Variants in CORIN observed in about 807,000 individuals in gnomAD.
CORIN encodes corin, serine peptidase, also known as atrial natriuretic peptide-converting enzyme.
In CORIN, 117 loss-of-function variants were observed where a neutral mutation model predicts 125.3. The observed-to-expected ratio is 0.93, with a 90% CI of 0.80 to 1.09. The LOEUF (loss-of-function observed/expected upper bound fraction) is 1.09. Ranked by LOEUF, CORIN falls within the 50% of genes least tolerant of loss-of-function variation. The pLI is 0.00. For synonymous variants in CORIN, 450 were observed against 466.4 expected (o/e 0.96, Z 0.45); for missense variants, 1,253 against 1,306.7 (o/e 0.96, Z 0.63).
At chr4:47,619,331 A>G (rs1433204280) in intron 19 of CORIN, among the ~76,000 whole-genome samples, 2 of 152,192 alleles carry the variant, frequency 1.3e-5, no homozygotes, top group African/African-American at 4.8e-5. Context: ...GATACCCACC[A>G]ATGGGTCACT....
chr4:47,642,904 C>T, intron 15 of CORIN: 1 of 1,497,210 alleles, frequency 6.7e-7, no homozygotes, highest in Non-Finnish European at 8.8e-7. Context: ...ATGATTACAA[C>T]ATTTTGAACC....
At chr4:47,647,557 C>T (rs1485688694) in intron 13 of CORIN, among the ~76,000 whole-genome samples, 1 of 151,980 alleles carries the variant, frequency 6.6e-6, no homozygotes, top group East Asian at 1.9e-4. Flanking sequence ...ATGTATTATC[C>T]ACTATGTATC....
At position 47,623,092 on chromosome 4, in the gene CORIN, C is replaced by CTA. The variant is rs34165105; in HGVS notation, c.2540+478_2540+479insTA. Among the ~76,000 whole-genome samples, 131 of 111,136 alleles carry CTA rather than the reference C, an allele frequency of 1.2e-3. 1 individual carries two copies. Among genetic ancestry groups the CTA allele is most frequent in the South Asian group, 5.3e-3 (17 of 3,194 alleles). 72.9% of individuals were successfully genotyped at this position (111,136 alleles called of 152,430 possible). ...AACCTCTCTCTCTCTCTCTCTCTCT[C>CTA]TCTCTATATATATATATATATATAT... On this transcript the variant is annotated intron_variant, in intron 19 of 21. Transcript: ENST00000273857.
At chr4:47,755,677 A>G (rs114117752) in intron 4 of CORIN, among the ~76,000 whole-genome samples, 156 of 152,302 alleles carry the variant, frequency 1.0e-3, no homozygotes, top group African/African-American at 3.5e-3. Context: ...TATTCTGCCA[A>G]CCAGATCATC....
In CORIN at chr4:47,670,450, G is replaced by A. The variant is rs148332497; in HGVS notation, c.1357+3943C>T. 1.3e-3 allele frequency among the ~76,000 whole-genome samples: 202 copies of A among 152,168 alleles called. 2 individuals are homozygous for A. Among genetic ancestry groups the A allele is most frequent in the African/African-American group, 3.9e-3 (161 of 41,482 alleles). ...GGCTTCTCTACCACATGACTACACCGTTTACTCCTACCAACTGAAGCTTGC... is the reference window on the plus strand; with the variant it reads ...GGCTTCTCTACCACATGACTACACCATTTACTCCTACCAACTGAAGCTTGC... On this transcript the variant is annotated intron_variant, in intron 10 of 21. Coordinates refer to ENST00000273857, the MANE Select transcript of CORIN (RefSeq NM_006587.4).
chr4:47,643,130 G>A lies in CORIN; in HGVS notation c.2068+16C>T. On this transcript the variant is annotated intron_variant, in intron 15 of 21. Transcript: ENST00000273857. Reference sequence around the variant, plus strand: ...GCATGAGAGAGTACAACAGATGGCAGAAACAAGTAGCTCACCACAGTCCCA... The same window carrying A: ...GCATGAGAGAGTACAACAGATGGCAAAAACAAGTAGCTCACCACAGTCCCA... The A allele has an allele frequency of 6.2e-7, 1 of 1,614,032 alleles. No individual in the cohort carries two copies. The highest frequency in any genetic ancestry group is 8.5e-7 in the Non-Finnish European group (1 of 1,179,996).
chr4:47,812,578 G>A (rs977892535), intron 1 of CORIN, among the ~76,000 whole-genome samples: 1 of 152,122 alleles, frequency 6.6e-6, no homozygotes, highest in Non-Finnish European at 1.5e-5. Context: ...AAACATTCAA[G>A]CTGAAAGAGT....
At chr4:47,757,695 G>C (rs1390666147) in intron 4 of CORIN, among the ~76,000 whole-genome samples, 1 of 151,328 alleles carries the variant, frequency 6.6e-6, no homozygotes, top group African/African-American at 2.4e-5. Flanking sequence ...CATGAAAATA[G>C]AAGTAAAAAA....
At chr4:47,656,030 T>C (rs796240482) in intron 12 of CORIN, among the ~76,000 whole-genome samples, 7 of 150,244 alleles carry the variant, frequency 4.7e-5, no homozygotes, top group African/African-American at 1.5e-4. Context: ...CAAAGACACA[T>C]CAAAAAAAAG....
At chr4:47,797,041 C>T (rs971358934) in intron 2 of CORIN, among the ~76,000 whole-genome samples, 11 of 151,956 alleles carry the variant, frequency 7.2e-5, no homozygotes, top group Non-Finnish European at 1.3e-4. Context: ...TTATTCACTG[C>T]TGTCCCCAAT....
rs555630045 is a variant in CORIN, at chr4:47,616,763, A to T, written c.2540+6808T>A. Among the ~76,000 whole-genome samples the T allele has an allele frequency of 4.6e-5, 7 of 152,332 alleles. No individual in the cohort carries two copies. In the South Asian group the frequency reaches 1.4e-3, roughly 32 times the overall value. ...CTCTTTTAGGAATTTTTCTGTGAAC[A>T]GTGGCTGGAATGGAGCAACAGATGA... On this transcript the variant is annotated intron_variant, in intron 19 of 21. Transcript: ENST00000273857.
chr4:47,643,760 TTTCCTTTCTCC>T (rs1213442614), intron 14 of CORIN, among the ~76,000 whole-genome samples: 2 of 152,140 alleles, frequency 1.3e-5, no homozygotes, highest in African/African-American at 4.8e-5. Flanking sequence ...TTAACAACCA[TTTCCTTTCTCC>T]CTCCTTTCTT....
chr4:47,759,202 C>T (rs143412152), intron 4 of CORIN, among the ~76,000 whole-genome samples: 5 of 152,206 alleles, frequency 3.3e-5, no homozygotes, highest in Non-Finnish European at 5.9e-5. Flanking sequence ...ACTCTTATCG[C>T]ATAGGATATG....
At chr4:47,778,435 C>G (rs1456952538) in intron 3 of CORIN, among the ~76,000 whole-genome samples, 1 of 152,130 alleles carries the variant, frequency 6.6e-6, no homozygotes, top group East Asian at 1.9e-4. Context: ...AAGCCTAGTT[C>G]TGCAGATGAC....
intron 6 of CORIN, among the ~76,000 whole-genome samples, chr4:47,685,805 A>G (rs966230790): frequency 6.6e-6 from 1 of 151,830 alleles, no homozygotes; most frequent in South Asian, 2.1e-4. Context: ...GAATACAGAA[A>G]ATAGGCGGAA....
At chr4:47,703,074 T>C (rs1389072496) in intron 5 of CORIN, among the ~76,000 whole-genome samples, 1 of 152,200 alleles carries the variant, frequency 6.6e-6, no homozygotes, top group Non-Finnish European at 1.5e-5. Context: ...AAAAATCCAC[T>C]GATCTTCAGG....
intron 10 of CORIN, among the ~76,000 whole-genome samples, chr4:47,669,442 G>C (rs541196445): frequency 2.6e-5 from 4 of 151,642 alleles, no homozygotes; most frequent in Non-Finnish European, 5.9e-5. Context: ...ATTATTTTAA[G>C]GTGAACATCC....
intron 21 of CORIN, among the ~76,000 whole-genome samples, chr4:47,597,216 G>A (rs902355758): frequency 6.6e-6 from 1 of 152,112 alleles, no homozygotes; most frequent in African/African-American, 2.4e-5. Context: ...GCCAGGTGTG[G>A]TTGTGGAAAC....
chr4:47,765,080 G>C (rs934133389), intron 3 of CORIN, among the ~76,000 whole-genome samples: 1 of 152,116 alleles, frequency 6.6e-6, no homozygotes, highest in African/African-American at 2.4e-5. Flanking sequence ...GGGAGGCCGA[G>C]GCAGGCAGAT....
Sources: allele counts gnomAD v4.1 joint callset (sites outside exome capture counted in the v4.1 genomes callset), GRCh38; gene constraint gnomAD v4.1.1; transcripts MANE v1.5; gene names NCBI Gene and HGNC (gene_info 2026-07-23, HGNC 2026-07-21).